GRB14: variants seen among roughly 807,000 people sequenced by gnomAD.
GRB14 encodes growth factor receptor-bound protein 14.
GRB14 carries 38 observed loss-of-function variants against 69.1 expected under a neutral mutation model. That is an observed-to-expected ratio of 0.55 (90% CI 0.42 to 0.72). GRB14 has a LOEUF of 0.72. Among genes scored for constraint, GRB14 ranks in the 30% least tolerant of loss-of-function variants. The pLI is 0.00. For missense variants in GRB14, 666 were observed against 666.1 expected (o/e 1.00, Z 0.00); for synonymous variants, 247 against 241.3 (o/e 1.02, Z -0.22).
At chr2:164,530,209 G>A (rs1687888387) in intron 3 of GRB14, among the ~76,000 whole-genome samples, 1 of 152,138 alleles carries the variant, frequency 6.6e-6, no homozygotes, top group African/African-American at 2.4e-5. Flanking sequence ...CAATCATGCA[G>A]GAAGGTAAAG....
chr2:164,497,281 T>G lies in GRB14; in HGVS notation c.1224A>C (p.Lys408Asn). 1 of 1,612,626 alleles carries G rather than the reference T, an allele frequency of 6.2e-7. No homozygotes were observed. The highest frequency in any genetic ancestry group is 8.5e-7 in the Non-Finnish European group (1 of 1,179,502). Residue 408 changes from lysine (K) to asparagine (N), a missense_variant and splice_region_variant, in exon 11 of 14, where the codon AAA becomes AAC. Physicochemically the swap from Lys to Asn is moderately conservative, Grantham distance 94 (BLOSUM62 0). Transcript: ENST00000263915. ...GAGTGCCCAGGCGTAAACATCCTTT[T>G]TTCTGAGCAAGGAAGGAGAAAACAA... ...VAVEEGLAWRKKGCLRLGTHG... is the reference protein window; with the variant it reads ...VAVEEGLAWRNKGCLRLGTHG...
intron 2 of GRB14, among the ~76,000 whole-genome samples, chr2:164,590,153 T>G (rs1326624658): frequency 1.3e-5 from 2 of 152,166 alleles, no homozygotes; most frequent in Non-Finnish European, 2.9e-5. Context: ...ACAAGCAATT[T>G]TCATATTTTT....
rs1353361130 is a variant in GRB14, at chr2:164,521,997, T to C, written c.799A>G (p.Thr267Ala). The stretch of plus-strand genomic sequence containing the variant: ...CAATTTACCTTTGATGTTCCTTTAG[T>C]AGAAAAATATAAACCAGATCTTCTT... ...FLRRSGLYFS[T>A]KGTSKEPRHL... is the part of the protein sequence containing the mutation. Residue 267 changes from threonine to alanine, a missense_variant, in exon 6 of 14, where the codon ACT becomes GCT. Physicochemically the swap from Thr to Ala is moderately conservative, Grantham distance 58 (BLOSUM62 0). Coordinates refer to ENST00000263915, the MANE Select transcript of GRB14 (RefSeq NM_004490.3). The C allele has an allele frequency of 6.2e-7, 1 of 1,601,960 alleles. No individual in the cohort carries two copies. The highest frequency in any genetic ancestry group is 8.5e-7 in the Non-Finnish European group (1 of 1,172,272).
rs143957489 is a variant in GRB14 at position 164,605,785 on chromosome 2, A to G, written c.324+13902T>C. ...ATAGTTCAAATGTTTAAAACCCAAT[A>G]TCTTTACTGGTAGTGATATAGATAC... On this transcript the variant is annotated intron_variant, in intron 2 of 13. Transcript: ENST00000263915. Among the ~76,000 whole-genome samples the G allele has an allele frequency of 7.1e-4, 108 of 152,290 alleles. No homozygotes were observed. The East Asian group carries it at 0.019, about 27-fold the overall frequency.
intron 2 of GRB14, among the ~76,000 whole-genome samples, chr2:164,549,135 C>G (rs1250008726): frequency 6.6e-6 from 1 of 152,184 alleles, no homozygotes; most frequent in Non-Finnish European, 1.5e-5. Flanking sequence ...CTTCCTCACC[C>G]TCCCAAAGTG....
chr2:164,562,859 T>A (rs4599138), intron 2 of GRB14, among the ~76,000 whole-genome samples: 120,974 of 152,158 alleles, frequency 0.8, 48,683 homozygotes, highest in African/African-American at 0.88. Context: ...AAAGCATACA[T>A]ATAATCTGCT....
intron 2 of GRB14, among the ~76,000 whole-genome samples, chr2:164,586,325 G>A (rs974337662): frequency 2.0e-5 from 3 of 152,184 alleles, no homozygotes; most frequent in Non-Finnish European, 4.4e-5. Context: ...AAATTAAGCT[G>A]AGGAATCTGA....
At chr2:164,578,908 C>A (rs1310855628) in intron 2 of GRB14, among the ~76,000 whole-genome samples, 2 of 151,902 alleles carry the variant, frequency 1.3e-5, no homozygotes, top group African/African-American at 2.4e-5. Flanking sequence ...GTGGAAACAC[C>A]ATATATACTG....
intron 6 of GRB14, among the ~76,000 whole-genome samples, chr2:164,517,195 T>C (rs913010825): frequency 2.6e-5 from 4 of 152,102 alleles, no homozygotes; most frequent in African/African-American, 7.2e-5. Flanking sequence ...AGAGAACTTG[T>C]GCAGGGAAAC....
chr2:164,547,895 G>A, intron 2 of GRB14, 79 bp from the exon 3 acceptor site: 7 of 913,774 alleles, frequency 7.7e-6, no homozygotes, highest in Non-Finnish European at 1.1e-5. Flanking sequence ...TATATTTAAA[G>A]TATACAACAC....
At chr2:164,510,890 T>G (rs1687321903) in intron 6 of GRB14, among the ~76,000 whole-genome samples, 1 of 152,158 alleles carries the variant, frequency 6.6e-6, no homozygotes, top group Admixed American at 6.5e-5. Flanking sequence ...CAGTCTTACA[T>G]TGTCAGTACC....
intron 6 of GRB14, among the ~76,000 whole-genome samples, chr2:164,517,353 T>G (rs975441063): frequency 6.6e-6 from 1 of 152,094 alleles, no homozygotes; most frequent in Non-Finnish European, 1.5e-5. Context: ...CAAGATGAGA[T>G]TTGGTTGGGG....
At chr2:164,593,720 C>T (rs776338412) in intron 2 of GRB14, among the ~76,000 whole-genome samples, 2 of 152,222 alleles carry the variant, frequency 1.3e-5, no homozygotes, top group Non-Finnish European at 2.9e-5. Flanking sequence ...TAGAGAGCAA[C>T]GTCTCTCGGC....
intron 2 of GRB14, among the ~76,000 whole-genome samples, chr2:164,608,483 A>G (rs1334367815): frequency 6.6e-6 from 1 of 152,164 alleles, no homozygotes; most frequent in Non-Finnish European, 1.5e-5. Flanking sequence ...AAATTAAAGT[A>G]ATACATTGAT....
intron 3 of GRB14, among the ~76,000 whole-genome samples, chr2:164,540,254 C>T (rs565027751): frequency 1.1e-4 from 16 of 152,320 alleles, no homozygotes; most frequent in Middle Eastern, 3.4e-3. Context: ...CTGCCTGCTA[C>T]GTGCTTCATT....
At chr2:164,578,522 GCACACACACACA>G (rs61283767) in intron 2 of GRB14, among the ~76,000 whole-genome samples, 5 of 145,588 alleles carry the variant, frequency 3.4e-5, no homozygotes, top group Admixed American at 6.9e-5. Context: ...CAATTCGCGC[GCACACACACACA>G]CACACACACA....
At position 164,508,766 on chromosome 2, in the gene GRB14, C is replaced by T. The variant is rs760825186; in HGVS notation, c.903G>A (p.Pro301=). The T allele has an allele frequency of 8.2e-6, 13 of 1,585,238 alleles. No individual in the cohort carries two copies. Among genetic ancestry groups the T allele is most frequent in the Middle Eastern group, 1.7e-4 (1 of 5,922 alleles). Reference sequence around the variant, plus strand: ...CCTTAAAGCAGAATCCATAGTTAGTCGGTGCTCCATGTTTTTTTTTGCCTG... The same window carrying T: ...CCTTAAAGCAGAATCCATAGTTAGTTGGTGCTCCATGTTTTTTTTTGCCTG... The part of the protein sequence containing the change: ...SLAGKKKHGA[P]TNYGFCFKPN... The change falls in exon 7 of 14, where the codon CCG becomes CCA. Residue 301 remains proline, a synonymous_variant. Coordinates refer to ENST00000263915, the MANE Select transcript of GRB14 (RefSeq NM_004490.3).
Position 164,497,356 on chromosome 2 carries a change from A to C in GRB14, c.1221+18T>G. The C allele has an allele frequency of 6.2e-7, 1 of 1,603,896 alleles. No individual in the cohort carries two copies. Among genetic ancestry groups the C allele is most frequent in the Non-Finnish European group, 8.5e-7 (1 of 1,173,450 alleles). The stretch of plus-strand genomic sequence containing the variant: ...ACTGAAATCATAAATATTTTGAAGC[A>C]TGTGAAGCTACTTGTACCCTCCAAG... On this transcript the variant is annotated intron_variant, in intron 10 of 13. Transcript: ENST00000263915.
intron 4 of GRB14, among the ~76,000 whole-genome samples, chr2:164,525,619 T>C (rs1687750801): frequency 1.3e-5 from 2 of 152,096 alleles, no homozygotes; most frequent in African/African-American, 4.8e-5. Context: ...TTCCCAGGCC[T>C]CATTCCTGGA....
Sources: allele counts gnomAD v4.1 joint callset (sites outside exome capture counted in the v4.1 genomes callset), GRCh38; gene constraint gnomAD v4.1.1; transcripts MANE v1.5; gene names NCBI Gene and HGNC (gene_info 2026-07-23, HGNC 2026-07-21).